Variants in GLRA2 observed in about 807,000 individuals in gnomAD.
GLRA2 encodes glycine receptor subunit alpha-2.
A neutral mutation model predicts 31.6 loss-of-function variants in GLRA2; 11 were observed. The observed-to-expected ratio is 0.35, with a 90% CI of 0.22 to 0.58. The LOEUF (loss-of-function observed/expected upper bound fraction) is 0.58. Among genes scored for constraint, GLRA2 ranks in the 20% least tolerant of loss-of-function variants. The pLI is 0.84. For synonymous variants in GLRA2, 132 were observed against 134.0 expected, an observed-to-expected ratio of 0.99 and a Z score of 0.10; for missense variants, 212 against 351.8, an observed-to-expected ratio of 0.60 and a Z score of 3.18.
At chrX:14,669,824 C>T (rs2091072330) in intron 7 of GLRA2, among the ~76,000 whole-genome samples, 1 of 112,032 alleles carries the variant, frequency 8.9e-6, no homozygotes, top group Non-Finnish European at 1.9e-5. Context: ...TCCAACATGC[C>T]CTGGAGACAT....
At chrX:14,536,272 G>A (rs946712178) in intron 2 of GLRA2, among the ~76,000 whole-genome samples, 1 of 112,264 alleles carries the variant, frequency 8.9e-6, no homozygotes, top group African/African-American at 3.2e-5. Context: ...CCTGGAAAAT[G>A]ATCATGTCTG....
intron 2 of GLRA2, among the ~76,000 whole-genome samples, chrX:14,553,473 A>G (rs943392920): frequency 9.9e-5 from 11 of 111,083 alleles, no homozygotes; most frequent in Non-Finnish European, 1.9e-4. Context: ...ATCACATGAC[A>G]TTGTAATTAG....
At chrX:14,558,438 A>G (rs1204811615) in intron 2 of GLRA2, among the ~76,000 whole-genome samples, 1 of 112,124 alleles carries the variant, frequency 8.9e-6, no homozygotes, top group African/African-American at 3.2e-5. Context: ...AAAACAGACT[A>G]GTAGCCACCA....
intron 2 of GLRA2, among the ~76,000 whole-genome samples, chrX:14,571,594 T>C (rs904074538): frequency 8.9e-6 from 1 of 111,920 alleles, no homozygotes; most frequent in Non-Finnish European, 1.9e-5. Flanking sequence ...GCCTCAATTT[T>C]TCTTATCTGA....
the GLRA2 span, among the ~76,000 whole-genome samples, chrX:14,495,690 A>G: frequency 9.1e-6 from 1 of 109,496 alleles, no homozygotes; most frequent in East Asian, 2.9e-4. Context: ...ATATGAAAAT[A>G]TTACATATAT....
At position 14,731,789 on chromosome X, in the gene GLRA2, C is replaced by T. The variant is rs766115730; in HGVS notation, c.*1304C>T. The T allele has an allele frequency of 1.3e-4, 14 of 111,903 alleles. No individual in the cohort carries two copies. Among genetic ancestry groups the T allele is most frequent in the Non-Finnish European group, 2.3e-4 (12 of 53,209 alleles). The allele number at this position is 111,903 out of a possible 1,213,427, so 9.2% of individuals were successfully genotyped here. A position where few individuals can be genotyped will look rare whatever the true frequency, so the allele number is the denominator to read the frequency against. The stretch of plus-strand genomic sequence containing the variant: ...ATTTTAAAAAGCATTTGTTCAATTT[C>T]AATAAAGCTAAGTGTGCCGCAAACT... On this transcript the variant is annotated 3_prime_UTR_variant, in exon 9 of 9. Coordinates refer to ENST00000218075, the MANE Select transcript of GLRA2 (RefSeq NM_002063.4).
At chrX:14,554,501 G>T (rs973715739) in intron 2 of GLRA2, among the ~76,000 whole-genome samples, 2 of 111,602 alleles carry the variant, frequency 1.8e-5, no homozygotes, top group Admixed American at 9.5e-5. Context: ...CAGTGCAGTG[G>T]CCTTGAACAG....
At chrX:14,516,987 C>T in the GLRA2 span, among the ~76,000 whole-genome samples, 8 of 112,128 alleles carry the variant, frequency 7.1e-5, no homozygotes, top group Non-Finnish European at 1.5e-4. Flanking sequence ...ACTCAATCTA[C>T]TGGATCATGA....
At chrX:14,681,021 G>A (rs1275636512) in intron 7 of GLRA2, among the ~76,000 whole-genome samples, 1 of 112,123 alleles carries the variant, frequency 8.9e-6, no homozygotes, top group African/African-American at 3.2e-5. Context: ...AACTGGAAAT[G>A]CTGTGATTGG....
intron 8 of GLRA2, among the ~76,000 whole-genome samples, chrX:14,697,473 T>C (rs1193202221): frequency 3.6e-5 from 4 of 110,057 alleles, no homozygotes; most frequent in African/African-American, 1.4e-4. Context: ...ATCGAAAAAA[T>C]AATAATAATC....
chrX:14,464,512 G>C, the GLRA2 span, among the ~76,000 whole-genome samples: 5 of 109,615 alleles, frequency 4.6e-5, no homozygotes, highest in East Asian at 2.9e-4. Flanking sequence ...TGAATTTCAG[G>C]GTTCTCTATT....
chrX:14,718,426 G>A (rs866491891), intron 8 of GLRA2, among the ~76,000 whole-genome samples: 22 of 112,144 alleles, frequency 2.0e-4, no homozygotes, highest in Non-Finnish European at 3.8e-4. Context: ...TTGGCACAAC[G>A]ATGACTCAAA....
chrX:14,501,680 T>A, the GLRA2 span, among the ~76,000 whole-genome samples: 1 of 112,423 alleles, frequency 8.9e-6, no homozygotes, highest in Non-Finnish European at 1.9e-5. Context: ...CTCAAGTGGA[T>A]TATAGCAAGT....
At chrX:14,616,706 T>G (rs769796764) in intron 7 of GLRA2, among the ~76,000 whole-genome samples, 2 of 112,224 alleles carry the variant, frequency 1.8e-5, no homozygotes, top group African/African-American at 3.2e-5. Flanking sequence ...TAAAGATGAT[T>G]GCTCCTTGAA....
At chrX:14,462,029 G>A in the GLRA2 span, among the ~76,000 whole-genome samples, 6 of 112,113 alleles carry the variant, frequency 5.4e-5, no homozygotes, top group African/African-American at 1.9e-4. Flanking sequence ...AGGAGCTCTT[G>A]TAAGGCAGGC....
the GLRA2 span, among the ~76,000 whole-genome samples, chrX:14,473,524 C>T: frequency 8.9e-6 from 1 of 112,138 alleles, no homozygotes; most frequent in Non-Finnish European, 1.9e-5. Flanking sequence ...TCCATGAATC[C>T]TGATAGAGGA....
chrX:14,637,918 T>A (rs2090728109), intron 7 of GLRA2, among the ~76,000 whole-genome samples: 1 of 111,396 alleles, frequency 9.0e-6, no homozygotes, highest in South Asian at 3.7e-4. Flanking sequence ...AAAACAAACA[T>A]GCTCTTTTTT....
intron 7 of GLRA2, among the ~76,000 whole-genome samples, chrX:14,633,981 C>G (rs981732540): frequency 9.0e-6 from 1 of 111,599 alleles, no homozygotes; most frequent in African/African-American, 3.3e-5. Flanking sequence ...TGGAGTCTCA[C>G]TCTGTCGCCC....
chrX:14,526,357 G>A (rs2089187465), upstream of GLRA2, among the ~76,000 whole-genome samples: 1 of 112,606 alleles, frequency 8.9e-6, no homozygotes, highest in Non-Finnish European at 1.9e-5. Context: ...GAGAACCATA[G>A]TATTAACCAG....
Sources: gnomAD v4.1 joint callset for allele counts (sites outside exome capture counted in the v4.1 genomes callset) on GRCh38, gnomAD v4.1.1 for gene constraint, MANE v1.5 for transcripts, NCBI Gene and HGNC (gene_info 2026-07-23, HGNC 2026-07-21) for gene names.